The following CDH1 variants were observed in gnomAD, a reference collection of about 807,000 sequenced individuals.
CDH1 encodes cadherin 1.
Under a neutral mutation model 84.5 loss-of-function variants are expected in CDH1, and 35 were observed. The observed-to-expected ratio is 0.41, with a 90% CI of 0.32 to 0.55. CDH1 has a LOEUF of 0.55. CDH1 is among the 20% of genes least tolerant of loss of function. The pLI is 0.19. For missense variants in CDH1, 994 were observed against 1,126.6 expected (o/e 0.88, Z 1.68); for synonymous variants, 417 against 439.0 (o/e 0.95, Z 0.63).
At chr16:68,786,086 G>A (rs1391878221) in intron 2 of CDH1, among the ~76,000 whole-genome samples, 1 of 152,202 alleles carries the variant, frequency 6.6e-6, no homozygotes, top group Non-Finnish European at 1.5e-5. Flanking sequence ...CTGTTCTCCA[G>A]TGTATGCCAG....
chr16:68,804,824 CTTTTTTTTTTT>C (rs5817653), intron 3 of CDH1, among the ~76,000 whole-genome samples: 1 of 69,668 alleles, frequency 1.4e-5, no homozygotes, highest in Non-Finnish European at 2.5e-5. Flanking sequence ...GTAACAAAAT[CTTTTTTTTTTT>C]TTTTTTTTTT....
intron 2 of CDH1, among the ~76,000 whole-genome samples, chr16:68,799,974 C>T (rs958204039): frequency 3.3e-5 from 5 of 151,148 alleles, no homozygotes; most frequent in African/African-American, 4.9e-5. Context: ...CGTGCCACTG[C>T]ACTCCAGCCT....
intron 2 of CDH1, among the ~76,000 whole-genome samples, chr16:68,759,674 G>A (rs932344556): frequency 3.3e-5 from 5 of 151,874 alleles, no homozygotes; most frequent in Non-Finnish European, 7.4e-5. Flanking sequence ...ATTTTTTAAT[G>A]GAGACAAGGT....
intron 13 of CDH1, among the ~76,000 whole-genome samples, chr16:68,825,573 A>C (rs1437985664): frequency 6.6e-6 from 1 of 152,142 alleles, no homozygotes; most frequent in Non-Finnish European, 1.5e-5. Flanking sequence ...GTGTCCTCCC[A>C]AAGTTGAAGA....
At chr16:68,796,116 T>G (rs1960353618) in intron 2 of CDH1, among the ~76,000 whole-genome samples, 2 of 151,788 alleles carry the variant, frequency 1.3e-5, no homozygotes, top group Non-Finnish European at 2.9e-5. Context: ...TGAGTTGAGA[T>G]CCTGCCATGG....
intron 2 of CDH1, among the ~76,000 whole-genome samples, chr16:68,754,782 C>T (rs958908434): frequency 2.0e-5 from 3 of 152,070 alleles, no homozygotes; most frequent in African/African-American, 4.8e-5. Flanking sequence ...GGGGATGCAG[C>T]GGGGCCCAAA....
rs202075199 is a variant in CDH1 at position 68,829,770 on chromosome 16, C to A, written c.2412C>A (p.Pro804=). 1 of 1,613,942 alleles carries A rather than the reference C, an allele frequency of 6.2e-7. No homozygotes were observed. Among genetic ancestry groups the A allele is most frequent in the Non-Finnish European group, 8.5e-7 (1 of 1,180,014 alleles). The stretch of plus-strand genomic sequence containing the variant: ...GGTATCTTCCCCGCCCTGCCAATCC[C>A]GATGAAATTGGAAATTTTATTGATG... ...VPRYLPRPAN[P]DEIGNFIDEN... The change falls in exon 15 of 16, where the codon CCC becomes CCA. Residue 804 remains proline (P), a synonymous_variant. Coordinates refer to ENST00000261769, the MANE Select transcript of CDH1 (RefSeq NM_004360.5).
intron 10 of CDH1, among the ~76,000 whole-genome samples, chr16:68,817,197 A>G (rs1316064756): frequency 6.6e-6 from 1 of 152,172 alleles, no homozygotes. Flanking sequence ...ATAACTGAGC[A>G]GTAGATCTCT....
chr16:68,801,601 CT>C, intron 2 of CDH1, 68 bp from the exon 3 acceptor site: 1 of 1,351,658 alleles, frequency 7.4e-7, no homozygotes, highest in Non-Finnish European at 1.1e-6. Flanking sequence ...CAAGTTCGCT[CT>C]TTGGAGAAGG....
At chr16:68,818,862 A>G (rs1467515701) in intron 10 of CDH1, among the ~76,000 whole-genome samples, 1 of 150,790 alleles carries the variant, frequency 6.6e-6, no homozygotes, top group African/African-American at 2.4e-5. Flanking sequence ...AAAAAAAAAA[A>G]AAAAAAAAGA....
Position 68,810,422 on chromosome 16 carries a change from G to T in CDH1, c.832+81G>T, listed in dbSNP as rs1960789864. 2.9e-6 allele frequency: 4 copies of T among 1,362,274 alleles called. No homozygotes were observed. The Admixed American group carries it at 5.0e-5, about 17-fold the overall frequency. 84.4% of individuals were successfully genotyped at this position (1,362,274 alleles called of 1,614,324 possible). A position where few individuals can be genotyped will look rare whatever the true frequency, so the allele number is the denominator to read the frequency against. ...CCCAAAGTGTTGTCCAAGCCCAAAG[G>T]TTGTGTAACTAAAGCTGATCCTTCC... On this transcript the variant is annotated intron_variant, in intron 6 of 15. Transcript: ENST00000261769.
At chr16:68,811,571 G>T in intron 6 of CDH1, 113 bp from the exon 7 acceptor site, 3 of 921,800 alleles carry the variant, frequency 3.3e-6, no homozygotes, top group Non-Finnish European at 3.5e-6. Flanking sequence ...CTCTGACACG[G>T]TACCACCCCC....
chr16:68,805,982 C>G (rs2152128645), intron 3 of CDH1, among the ~76,000 whole-genome samples: 1 of 152,208 alleles, frequency 6.6e-6, no homozygotes, highest in East Asian at 1.9e-4. Flanking sequence ...GAGTCTCGCT[C>G]TGTTTCCCAG....
intron 2 of CDH1, among the ~76,000 whole-genome samples, chr16:68,767,774 A>G (rs1228425580): frequency 2.0e-5 from 3 of 152,144 alleles, no homozygotes; most frequent in Non-Finnish European, 2.9e-5. Context: ...GGGTTAAGGA[A>G]ATGGGCAAAG....
chr16:68,783,405 G>A (rs372322300), intron 2 of CDH1, among the ~76,000 whole-genome samples: 421 of 126,192 alleles, frequency 3.3e-3, no homozygotes, highest in Middle Eastern at 0.013. Context: ...AAAAAAAAAA[G>A]AAAAAAGAAA....
intron 14 of CDH1, among the ~76,000 whole-genome samples, chr16:68,829,178 G>A (rs1961410202): frequency 6.6e-6 from 1 of 152,154 alleles, no homozygotes; most frequent in Admixed American, 6.6e-5. Flanking sequence ...TTAGCTGAAT[G>A]GCTCTAACCT....
In CDH1 at chr16:68,767,726, T is replaced by G. The variant is rs1020864819; in HGVS notation, c.163+29315T>G. Reference sequence around the variant, plus strand: ...AATTTTGAGGTTTGGGGCACCCAGATGCATAATTGCATAATAGCTATATGT... The same window carrying G: ...AATTTTGAGGTTTGGGGCACCCAGAGGCATAATTGCATAATAGCTATATGT... On this transcript the variant is annotated intron_variant, in intron 2 of 15. Transcript: ENST00000261769. Among the ~76,000 whole-genome samples the G allele has an allele frequency of 3.3e-5, 5 of 152,334 alleles. 1 individual carries two copies. The Middle Eastern group carries it at 0.017, about 518-fold the overall frequency.
chr16:68,834,295 T>C lies in CDH1; in HGVS notation c.*796T>C, dbSNP rs763393525. 3 of 511,682 alleles carry C rather than the reference T, an allele frequency of 5.9e-6. No homozygotes were observed. The highest frequency in any genetic ancestry group is 3.8e-6 in the Non-Finnish European group (1 of 260,832). The allele number at this position is 511,682 out of a possible 1,614,324, so 31.7% of individuals were successfully genotyped here. A position where few individuals can be genotyped will look rare whatever the true frequency, so the allele number is the denominator to read the frequency against. ...GCCATTTTTTAAGAGACAGTTTCGCTCCATCGCCCAGGCCTGGGATGCAGT... is the reference window on the plus strand; with the variant it reads ...GCCATTTTTTAAGAGACAGTTTCGCCCCATCGCCCAGGCCTGGGATGCAGT... On this transcript the variant is annotated 3_prime_UTR_variant, in exon 16 of 16. Coordinates refer to ENST00000261769, the MANE Select transcript of CDH1 (RefSeq NM_004360.5).
At chr16:68,813,988 G>A (rs1022464954) in intron 9 of CDH1, among the ~76,000 whole-genome samples, 1 of 152,182 alleles carries the variant, frequency 6.6e-6, no homozygotes, top group Admixed American at 6.5e-5. Context: ...TGTAATCATA[G>A]CACTTTGGGA....
Sources: allele counts gnomAD v4.1 joint callset (sites outside exome capture counted in the v4.1 genomes callset), GRCh38; gene constraint gnomAD v4.1.1; transcripts MANE v1.5; gene names NCBI Gene and HGNC (gene_info 2026-07-23, HGNC 2026-07-21).